The following NEK3 variants were observed in gnomAD, a reference collection of about 807,000 sequenced individuals.
The protein encoded by NEK3 is serine/threonine-protein kinase Nek3.
NEK3 carries 54 observed loss-of-function variants against 66.0 expected under a neutral mutation model. The ratio of observed to expected loss-of-function variants is 0.82; its 90% CI spans 0.66 to 1.03. NEK3 has a LOEUF of 1.03. Ranked by LOEUF, NEK3 falls within the 50% of genes least tolerant of loss-of-function variation. NEK3 has a pLI of 0.00. For synonymous variants in NEK3, 200 were observed against 206.2 expected, an observed-to-expected ratio of 0.97 and a Z score of 0.26; for missense variants, 593 against 603.0, an observed-to-expected ratio of 0.98 and a Z score of 0.17.
At chr13:52,142,185 A>G (rs2138196593) in intron 10 of NEK3, among the ~76,000 whole-genome samples, 1 of 152,318 alleles carries the variant, frequency 6.6e-6, no homozygotes, top group Non-Finnish European at 1.5e-5. Context: ...CAGCATTTTA[A>G]AACTAATTTC....
At chr13:52,145,159 G>T (rs1379775142) in intron 8 of NEK3, among the ~76,000 whole-genome samples, 1 of 152,034 alleles carries the variant, frequency 6.6e-6, no homozygotes, top group Non-Finnish European at 1.5e-5. Context: ...GTTTTTTGCA[G>T]ATATACATTA....
At chr13:52,143,020 T>G (rs1218783174) in intron 10 of NEK3, among the ~76,000 whole-genome samples, 2 of 152,112 alleles carry the variant, frequency 1.3e-5, no homozygotes, top group African/African-American at 4.8e-5. Flanking sequence ...AGGCTCTGGT[T>G]TTTGTCTTTA....
intron 8 of NEK3, among the ~76,000 whole-genome samples, chr13:52,146,506 C>T (rs1956296751): frequency 6.6e-6 from 1 of 152,112 alleles, no homozygotes; most frequent in Non-Finnish European, 1.5e-5. Context: ...CCTTAATACT[C>T]ATTCTTGCTG....
intron 1 of NEK3, chr13:52,157,040 G>C (rs944146468): frequency 1.3e-5 from 2 of 152,212 alleles, no homozygotes; most frequent in Non-Finnish European, 2.9e-5. Flanking sequence ...AGACAAAGAG[G>C]AGGAAAAGAG....
At chr13:52,135,290 C>T (rs1253211281) in intron 14 of NEK3, among the ~76,000 whole-genome samples, 1 of 152,060 alleles carries the variant, frequency 6.6e-6, no homozygotes, top group South Asian at 2.1e-4. Context: ...CAAAAGAAAT[C>T]TTGGAGTTGT....
chr13:52,142,098 AAAAT>A (rs1316574065), intron 10 of NEK3, among the ~76,000 whole-genome samples: 1 of 151,928 alleles, frequency 6.6e-6, no homozygotes, highest in Admixed American at 6.6e-5. Flanking sequence ...AAAATAAAAT[AAAAT>A]AAAGTTAATT....
At chr13:52,143,183 G>A (rs1159821655) in intron 10 of NEK3, among the ~76,000 whole-genome samples, 4 of 152,146 alleles carry the variant, frequency 2.6e-5, no homozygotes, top group Non-Finnish European at 5.9e-5. Context: ...AGGCATGGTG[G>A]CACATGCCTG....
chr13:52,142,003 C>A (rs1956254767), intron 10 of NEK3, among the ~76,000 whole-genome samples: 1 of 151,710 alleles, frequency 6.6e-6, no homozygotes, highest in African/African-American at 2.4e-5. Context: ...ATGAGAATTG[C>A]TTGAACCCAG....
chr13:52,150,166 G>C (rs1956331145), intron 7 of NEK3, among the ~76,000 whole-genome samples: 2 of 152,098 alleles, frequency 1.3e-5, no homozygotes, highest in Middle Eastern at 3.2e-3. Context: ...TCAGCAAAAA[G>C]TAACAACAGC....
chr13:52,140,049 CA>C (rs34051162), intron 11 of NEK3, among the ~76,000 whole-genome samples: 169 of 86,660 alleles, frequency 2.0e-3, no homozygotes, highest in African/African-American at 4.9e-3. Context: ...AAAAAAATGC[CA>C]AAAAAAAAAA....
In NEK3 at chr13:52,133,113, A is replaced by G; in HGVS notation, c.*29T>C. 3 of 1,568,008 alleles carry G rather than the reference A, an allele frequency of 1.9e-6. No individual in the cohort carries two copies. The highest frequency in any genetic ancestry group is 1.2e-5 in the South Asian group (1 of 86,782). On this transcript the variant is annotated 3_prime_UTR_variant, in exon 16 of 16. Transcript: ENST00000610828. ...GAACTCCTGAGTGAAGCCTCTCCTC[A>G]GCGTGACTCAGGAACATTTCCTCAG...
intron 11 of NEK3, among the ~76,000 whole-genome samples, chr13:52,137,466 GCAAA>G (rs1485875675): frequency 6.6e-6 from 1 of 152,158 alleles, no homozygotes; most frequent in African/African-American, 2.4e-5. Context: ...ACAGTCCCAG[GCAAA>G]CAAATTCTCA....
chr13:52,141,128 G>C (rs933096999), intron 10 of NEK3, 59 bp from the exon 11 acceptor site: 4 of 1,458,914 alleles, frequency 2.7e-6, no homozygotes, highest in Non-Finnish European at 3.7e-6. Context: ...ATCCTATTAA[G>C]TTCCTAATAT....
rs78213181 is a variant in NEK3, at chr13:52,152,190, T to C, written c.393+419A>G. Among the ~76,000 whole-genome samples, 1,082 of 152,342 alleles carry C rather than the reference T, an allele frequency of 7.1e-3. 12 individuals carry two copies. The highest frequency in any genetic ancestry group is 0.025 in the African/African-American group (1,038 of 41,588). ...GTCAAAGGGTACAAAGTTTCAGTTA[T>C]GACAAGTAAGTTCCAGTGATCTGTT... On this transcript the variant is annotated intron_variant, in intron 5 of 15. Coordinates refer to ENST00000610828, the MANE Select transcript of NEK3 (RefSeq NM_002498.3).
intron 14 of NEK3, among the ~76,000 whole-genome samples, chr13:52,134,147 C>T (rs1360954253): frequency 6.6e-6 from 1 of 152,142 alleles, no homozygotes; most frequent in Non-Finnish European, 1.5e-5. Flanking sequence ...CCTCCTACCT[C>T]AGTCTCCCAA....
At chr13:52,138,473 A>G (rs1257957978) in intron 11 of NEK3, among the ~76,000 whole-genome samples, 1 of 152,094 alleles carries the variant, frequency 6.6e-6, no homozygotes, top group African/African-American at 2.4e-5. Flanking sequence ...CAATGAAAAG[A>G]AAAAAAGTAT....
At position 52,143,912 on chromosome 13, in the gene NEK3, T is replaced by C. The variant is rs1186371459; in HGVS notation, c.877+3A>G. The C allele has an allele frequency of 1.5e-6, 2 of 1,376,154 alleles. No homozygotes were observed. The highest frequency in any genetic ancestry group is 2.0e-6 in the Non-Finnish European group (2 of 1,020,062). The allele number at this position is 1,376,154 out of a possible 1,614,324, so 85.2% of individuals were successfully genotyped here. On this transcript the variant is annotated splice_donor_region_variant and intron_variant, in intron 10 of 15. Transcript: ENST00000610828. ...ACAAAAAATACTCTGTCAAAATTCT[T>C]ACTTTTTTTTCTTGGTGTGTTATGC...
At chr13:52,158,464 T>C (rs1956413989) in intron 1 of NEK3, among the ~76,000 whole-genome samples, 1 of 152,228 alleles carries the variant, frequency 6.6e-6, no homozygotes, top group Non-Finnish European at 1.5e-5. Context: ...TAACACCTGG[T>C]ATTACACGGT....
intron 5 of NEK3, 37 bp downstream of exon 5, chr13:52,152,572 C>CTTTT: frequency 9.2e-7 from 1 of 1,085,526 alleles, no homozygotes. Flanking sequence ...GAATTAAGGA[C>CTTTT]TTTTTTTTTT....
Sources: gnomAD v4.1 joint callset for allele counts (sites outside exome capture counted in the v4.1 genomes callset) on GRCh38, gnomAD v4.1.1 for gene constraint, MANE v1.5 for transcripts, NCBI Gene and HGNC (gene_info 2026-07-23, HGNC 2026-07-21) for gene names.